The following LCMT1 variants were observed in gnomAD, a reference collection of about 807,000 sequenced individuals.
LCMT1 encodes [Phosphatase 2A protein]-leucine-carboxy methyltransferase 1.
In LCMT1, 32 loss-of-function variants were observed where a neutral mutation model predicts 47.7. The ratio of observed to expected loss-of-function variants is 0.67; its 90% CI spans 0.51 to 0.90. The LOEUF is 0.90. LCMT1 is among the 40% of genes least tolerant of loss of function. The pLI is 0.00. For synonymous variants in LCMT1, 152 were observed against 149.7 expected (o/e 1.02, Z -0.11); for missense variants, 375 against 415.2 (o/e 0.90, Z 0.84).
chr16:25,139,792 A>G lies in LCMT1; in HGVS notation c.328-379A>G, dbSNP rs184141219. On this transcript the variant is annotated intron_variant, in intron 3 of 10. Coordinates refer to ENST00000399069, the MANE Select transcript of LCMT1 (RefSeq NM_016309.3). Reference sequence around the variant, plus strand: ...AACGATCCTCCTGCCTCAGCCTTCTAAAGTGTTGAGATTACAGTCGTGAGC... The same window carrying G: ...AACGATCCTCCTGCCTCAGCCTTCTGAAGTGTTGAGATTACAGTCGTGAGC... Among the ~76,000 whole-genome samples, 14 of 152,214 alleles carry G rather than the reference A, an allele frequency of 9.2e-5. No homozygotes were observed. In the East Asian group the frequency reaches 2.3e-3, roughly 25 times the overall value.
chr16:25,158,647 A>G (rs1338490791), intron 5 of LCMT1: 1 of 152,214 alleles, frequency 6.6e-6, no homozygotes, highest in Non-Finnish European at 1.5e-5. Context: ...ATTTTATACA[A>G]ATGGCTTTAT....
intron 4 of LCMT1, chr16:25,140,914 G>A (rs1016858504): frequency 6.6e-6 from 1 of 152,130 alleles, no homozygotes; most frequent in East Asian, 1.9e-4. Flanking sequence ...TTCCATTTCT[G>A]TTCTATCTCT....
intron 5 of LCMT1, among the ~76,000 whole-genome samples, chr16:25,155,165 T>C (rs1961214224): frequency 6.6e-6 from 1 of 152,118 alleles, no homozygotes; most frequent in Non-Finnish European, 1.5e-5. Flanking sequence ...AATGTTAAAA[T>C]GTGAAAGGAT....
intron 10 of LCMT1, 127 bp from the exon 11 acceptor site, chr16:25,177,874 G>A: frequency 1.3e-6 from 1 of 769,102 alleles, no homozygotes; most frequent in Non-Finnish European, 2.3e-6. Context: ...TTATGTAGCA[G>A]GAGGGCGGTG....
chr16:25,135,284 A>AAAAAAAAAAAAAAT (rs1555482753), intron 3 of LCMT1, among the ~76,000 whole-genome samples: 1 of 140,610 alleles, frequency 7.1e-6, no homozygotes, highest in African/African-American at 2.5e-5. Flanking sequence ...TTTCTTTTAA[A>AAAAAAAAAAAAAAT]ATATATATCT....
At chr16:25,139,934 G>A in intron 3 of LCMT1, 1 of 503,988 alleles carries the variant, frequency 2.0e-6, no homozygotes. Context: ...GCTCCTTCCT[G>A]GACCTTACCT....
At chr16:25,136,297 C>T (rs1427066692) in intron 3 of LCMT1, among the ~76,000 whole-genome samples, 1 of 151,310 alleles carries the variant, frequency 6.6e-6, no homozygotes, top group Non-Finnish European at 1.5e-5. Flanking sequence ...CTTTGGGTGC[C>T]CCATTCCTCC....
chr16:25,157,863 T>C (rs1276756386), intron 5 of LCMT1, among the ~76,000 whole-genome samples: 1 of 152,212 alleles, frequency 6.6e-6, no homozygotes, highest in Non-Finnish European at 1.5e-5. Flanking sequence ...TTCCCAGTAA[T>C]TTGTCTCAGT....
Position 25,169,116 on chromosome 16 carries a change from A to G in LCMT1, c.695A>G (p.Asn232Ser). 6.2e-7 allele frequency: 1 copy of G among 1,611,094 alleles called. No homozygotes were observed. The highest frequency in any genetic ancestry group is 1.1e-5 in the South Asian group (1 of 91,008). The change falls in exon 8 of 11, where the codon AAC (asparagine) becomes AGC (serine). Residue 232 changes from asparagine to serine, a missense_variant. Coordinates refer to ENST00000399069, the MANE Select transcript of LCMT1 (RefSeq NM_016309.3). ...RAMFINYEQV[N>S]MGDRFGQIMI... ...TACCTTCTCTTTCCCTCCTAGGTGA[A>G]CATGGGTGATCGGTTTGGGCAGATC...
intron 5 of LCMT1, among the ~76,000 whole-genome samples, chr16:25,156,940 C>CTTTTTTT (rs5816285): frequency 7.7e-6 from 1 of 130,038 alleles, no homozygotes. Flanking sequence ...TCCATTTTAC[C>CTTTTTTT]TTTTTTTTTT....
Position 25,125,931 on chromosome 16 carries a change from A to G in LCMT1, c.114-2544A>G, listed in dbSNP as rs16951907. The G allele has an allele frequency of 2.2e-3, 2,473 of 1,138,232 alleles. 31 individuals are homozygous for G. In the African/African-American group the frequency reaches 0.03, roughly 14 times the overall value. 70.5% of individuals were successfully genotyped at this position (1,138,232 alleles called of 1,614,324 possible). ...ACTTACTTTCCAACTGATGTCCTAT[A>G]AATCCTAAAACTTGCTGCTTGTCTC... On this transcript the variant is annotated intron_variant, in intron 1 of 10. Coordinates refer to ENST00000399069, the MANE Select transcript of LCMT1 (RefSeq NM_016309.3).
In LCMT1 at chr16:25,163,206, C is replaced by T. The variant is rs151016200; in HGVS notation, c.570-1392C>T. Among the ~76,000 whole-genome samples the T allele has an allele frequency of 1.3e-3, 191 of 152,298 alleles. 1 individual carries two copies. The highest frequency in any genetic ancestry group is 4.4e-3 in the African/African-American group (182 of 41,574). On this transcript the variant is annotated intron_variant, in intron 6 of 10. Coordinates refer to ENST00000399069, the MANE Select transcript of LCMT1 (RefSeq NM_016309.3). ...AGAATCGGTTGGGCACGGTGGCTCA[C>T]GCCTGTAATCCCAGCACTTTGGGAG...
rs185159525 is a variant in LCMT1, at chr16:25,112,324, G to T, written c.113+328G>T. Among the ~76,000 whole-genome samples, 5 of 152,300 alleles carry T rather than the reference G, an allele frequency of 3.3e-5. No homozygotes were observed. The East Asian group carries it at 9.6e-4, about 29-fold the overall frequency. On this transcript the variant is annotated intron_variant, in intron 1 of 10. Coordinates refer to ENST00000399069, the MANE Select transcript of LCMT1 (RefSeq NM_016309.3). ...TGAAGCAAATAGTAGCTCCAGCCTC[G>T]ATGGGTTACGAGGATGAGAGGTGTA...
At chr16:25,175,181 A>C in intron 10 of LCMT1, 147 bp downstream of exon 10, 1 of 593,920 alleles carries the variant, frequency 1.7e-6, no homozygotes, top group Middle Eastern at 3.6e-4. Context: ...TCGCTCTGTC[A>C]CCCAGGCTAG....
At chr16:25,124,283 T>G (rs1960090220) in intron 1 of LCMT1, among the ~76,000 whole-genome samples, 1 of 152,218 alleles carries the variant, frequency 6.6e-6, no homozygotes, top group Non-Finnish European at 1.5e-5. Context: ...ATGACTTACG[T>G]GTACATGTAT....
At chr16:25,125,447 G>A (rs117338266) in intron 1 of LCMT1, among the ~76,000 whole-genome samples, 339 of 152,228 alleles carry the variant, frequency 2.2e-3, no homozygotes, top group Non-Finnish European at 3.3e-3. Context: ...ACTTGTCATC[G>A]CAGTGCCTTG....
chr16:25,113,667 T>G (rs1268110476), intron 1 of LCMT1, among the ~76,000 whole-genome samples: 1 of 152,256 alleles, frequency 6.6e-6, no homozygotes, highest in East Asian at 1.9e-4. Flanking sequence ...CAGCTTTTTC[T>G]TCTGTGGCTT....
intron 4 of LCMT1, among the ~76,000 whole-genome samples, chr16:25,149,376 G>A (rs1453188793): frequency 6.6e-6 from 1 of 152,098 alleles, no homozygotes; most frequent in African/African-American, 2.4e-5. Context: ...TTCCTTCCTG[G>A]GATGAGACAC....
intron 10 of LCMT1, among the ~76,000 whole-genome samples, chr16:25,177,066 G>A (rs1238137387): frequency 6.6e-6 from 1 of 151,898 alleles, no homozygotes; most frequent in Non-Finnish European, 1.5e-5. Flanking sequence ...TGTAGTCCCA[G>A]CTACTTGGGA....
Sources: gnomAD v4.1 joint callset for allele counts (sites outside exome capture counted in the v4.1 genomes callset) on GRCh38, gnomAD v4.1.1 for gene constraint, MANE v1.5 for transcripts, NCBI Gene and HGNC (gene_info 2026-07-23, HGNC 2026-07-21) for gene names.